EVI5: variants seen among roughly 807,000 people sequenced by gnomAD.
EVI5 encodes the protein ecotropic viral integration site 5 protein homolog.
EVI5 carries 73 observed loss-of-function variants against 112.0 expected under a neutral mutation model. That is an observed-to-expected ratio of 0.65 (90% CI 0.54 to 0.79). EVI5 has a LOEUF of 0.79. EVI5 is among the 30% of genes least tolerant of loss of function. The pLI is 0.00. For missense variants in EVI5, 900 were observed against 968.8 expected (o/e 0.93, Z 0.94); for synonymous variants, 305 against 319.9 (o/e 0.95, Z 0.50).
At chr1:92,601,287 C>A (rs1344555509) in intron 18 of EVI5, among the ~76,000 whole-genome samples, 1 of 152,148 alleles carries the variant, frequency 6.6e-6, no homozygotes, top group East Asian at 1.9e-4. Flanking sequence ...AACTCTTACA[C>A]ACTGTGGGTA....
intron 11 of EVI5, 86 bp downstream of exon 11, chr1:92,665,853 G>T: frequency 1.1e-6 from 1 of 916,932 alleles, no homozygotes; most frequent in East Asian, 2.4e-5. Context: ...GGAGACATGT[G>T]CCAGAATTTT....
intron 1 of EVI5, among the ~76,000 whole-genome samples, chr1:92,772,205 A>T (rs1235142109): frequency 3.3e-5 from 5 of 152,190 alleles, no homozygotes; most frequent in Admixed American, 1.3e-4. Context: ...TTGTCACTCA[A>T]CTAGATCTTT....
intron 19 of EVI5, among the ~76,000 whole-genome samples, chr1:92,548,629 A>C (rs1666222031): frequency 6.6e-6 from 1 of 152,212 alleles, no homozygotes; most frequent in Non-Finnish European, 1.5e-5. Flanking sequence ...CCTTAAGCTG[A>C]TAAGCAACTT....
rs201443870 is a variant in EVI5, at chr1:92,513,679, C to G, written c.2458G>C (p.Glu820Gln). ...VQKERPPRRR[E>Q]SYSTTV is the part of the protein sequence containing the mutation. Reference sequence around the variant, plus strand: ...GGTCAGACAGTGGTTGAATACGACTCTCTTCTTCTCGGGGGCCGCTCCTTT... The same window carrying G: ...GGTCAGACAGTGGTTGAATACGACTGTCTTCTTCTCGGGGGCCGCTCCTTT... Residue 820 changes from glutamate (E) to glutamine (Q), a missense_variant, in exon 20 of 20, where the codon GAG becomes CAG. Glu to Gln is a conservative substitution (Grantham distance 29). Transcript: ENST00000684568. 6 of 1,609,692 alleles carry G rather than the reference C, an allele frequency of 3.7e-6. No individual in the cohort carries two copies. The highest frequency in any genetic ancestry group is 5.1e-6 in the Non-Finnish European group (6 of 1,177,644).
chr1:92,573,814 G>A (rs900655631), intron 18 of EVI5, among the ~76,000 whole-genome samples: 1 of 151,868 alleles, frequency 6.6e-6, no homozygotes, highest in African/African-American at 2.4e-5. Flanking sequence ...ATATGATGAT[G>A]AACTAAATAA....
At chr1:92,620,445 AAG>A (rs1020385367) in intron 16 of EVI5, among the ~76,000 whole-genome samples, 1 of 151,522 alleles carries the variant, frequency 6.6e-6, no homozygotes, top group Non-Finnish European at 1.5e-5. Flanking sequence ...AAAAAAAAAA[AAG>A]AGAGAAAAAA....
chr1:92,728,194 T>C (rs540130581), intron 2 of EVI5, among the ~76,000 whole-genome samples: 18 of 152,238 alleles, frequency 1.2e-4, no homozygotes, highest in East Asian at 5.8e-4. Flanking sequence ...TAAATGTTTA[T>C]ATACCTAAAA....
At chr1:92,616,602 A>C (rs981510979) in intron 16 of EVI5, among the ~76,000 whole-genome samples, 6 of 152,174 alleles carry the variant, frequency 3.9e-5, no homozygotes, top group Non-Finnish European at 8.8e-5. Flanking sequence ...AATGAGCAAA[A>C]TACTAATTTG....
At chr1:92,780,381 A>T (rs527287545) in intron 1 of EVI5, among the ~76,000 whole-genome samples, 1 of 152,380 alleles carries the variant, frequency 6.6e-6, no homozygotes, top group South Asian at 2.1e-4. Flanking sequence ...AGTAAGGCTC[A>T]AGGCTGAAAG....
intron 19 of EVI5, among the ~76,000 whole-genome samples, chr1:92,554,817 CA>C (rs1667446003): frequency 6.6e-6 from 1 of 151,928 alleles, no homozygotes; most frequent in Non-Finnish European, 1.5e-5. Context: ...AAAACAAAAA[CA>C]AAAACAAACC....
intron 19 of EVI5, among the ~76,000 whole-genome samples, chr1:92,563,376 C>A (rs1668932932): frequency 6.6e-6 from 1 of 151,812 alleles, no homozygotes; most frequent in Non-Finnish European, 1.5e-5. Context: ...GTTTTTACAC[C>A]ACAATAAAAA....
At chr1:92,573,966 A>G (rs1670666438) in intron 18 of EVI5, among the ~76,000 whole-genome samples, 1 of 152,110 alleles carries the variant, frequency 6.6e-6, no homozygotes, top group Admixed American at 6.6e-5. Flanking sequence ...TTGTATCTGT[A>G]AAGAGACCAT....
At chr1:92,731,746 T>C (rs1414129025) in intron 2 of EVI5, among the ~76,000 whole-genome samples, 6 of 152,064 alleles carry the variant, frequency 3.9e-5, no homozygotes, top group Non-Finnish European at 8.8e-5. Context: ...CTCATACACA[T>C]ACAGACAACT....
At chr1:92,780,118 G>C (rs988048927) in intron 1 of EVI5, among the ~76,000 whole-genome samples, 14 of 152,188 alleles carry the variant, frequency 9.2e-5, no homozygotes, top group African/African-American at 3.1e-4. Context: ...TTGTGATAGT[G>C]AGTGAGTTCT....
chr1:92,560,470 T>C (rs1375144821), intron 19 of EVI5, among the ~76,000 whole-genome samples: 1 of 152,240 alleles, frequency 6.6e-6, no homozygotes, highest in African/African-American at 2.4e-5. Context: ...TACATGAGTG[T>C]GATCATTTTG....
chr1:92,636,941 T>C (rs1658965970), intron 13 of EVI5, among the ~76,000 whole-genome samples: 1 of 152,170 alleles, frequency 6.6e-6, no homozygotes, highest in African/African-American at 2.4e-5. Context: ...ACACATTATA[T>C]TGCTATTTGA....
intron 16 of EVI5, among the ~76,000 whole-genome samples, chr1:92,610,310 C>G (rs990886914): frequency 6.6e-6 from 1 of 152,176 alleles, no homozygotes; most frequent in Non-Finnish European, 1.5e-5. Context: ...AAACAAATAA[C>G]TACACTTCAG....
At chr1:92,690,387 T>C (rs1171961446) in intron 9 of EVI5, among the ~76,000 whole-genome samples, 1 of 151,338 alleles carries the variant, frequency 6.6e-6, no homozygotes, top group Non-Finnish European at 1.5e-5. Context: ...CTCACTCTAT[T>C]GCCAAGGCTG....
At chr1:92,764,156 G>A (rs1682281180) in intron 1 of EVI5, among the ~76,000 whole-genome samples, 1 of 152,148 alleles carries the variant, frequency 6.6e-6, no homozygotes, top group Middle Eastern at 3.2e-3. Context: ...TCACTAAATA[G>A]TACCACATGC....
Sources: allele counts gnomAD v4.1 joint callset (sites outside exome capture counted in the v4.1 genomes callset), GRCh38; gene constraint gnomAD v4.1.1; transcripts MANE v1.5; gene names NCBI Gene and HGNC (gene_info 2026-07-23, HGNC 2026-07-21).